IL1RN: variants seen among roughly 807,000 people sequenced by gnomAD.
The protein encoded by IL1RN is interleukin-1 receptor antagonist protein.
A neutral mutation model predicts 13.7 loss-of-function variants in IL1RN; 10 were observed. The observed-to-expected ratio is 0.73, with a 90% confidence interval of 0.45 to 1.24. IL1RN has a LOEUF of 1.24. Among genes scored for constraint, IL1RN ranks in the 50% most tolerant of loss-of-function variants. IL1RN has a pLI of 0.00. For synonymous variants in IL1RN, 102 were observed against 82.7 expected (o/e 1.23, Z -1.27); for missense variants, 213 against 222.1 (o/e 0.96, Z 0.26).
In IL1RN at chr2:113,131,166, A is replaced by G. The variant is rs758726151; in HGVS notation, c.318+9A>G. The G allele has an allele frequency of 3.2e-6, 5 of 1,551,812 alleles. No homozygotes were observed. Among genetic ancestry groups the G allele is most frequent in the Admixed American group, 3.3e-5 (2 of 59,958 alleles). ...CCAGACTCCAGCTGGAGGTAAAAAC[A>G]TGCTTTGGATCTCAAATCACCCCAA... On this transcript the variant is annotated intron_variant, in intron 3 of 3. Transcript: ENST00000409930.
At chr2:113,120,117 C>A in exon 2 of IL1RN, 1 of 1,612,482 alleles carries the variant, frequency 6.2e-7, no homozygotes, top group Non-Finnish European at 8.5e-7. Flanking sequence ...GAAGACAATG[C>A]TGACTCAAAG....
upstream of IL1RN, chr2:113,127,316 T>C (rs118002799): frequency 1.3e-3 from 374 of 290,222 alleles, no homozygotes; most frequent in East Asian, 0.015. Context: ...TCAGGAACAG[T>C]AGGGAGTTTG....
chr2:113,099,417 A>G, the IL1RN span, among the ~76,000 whole-genome samples: 5 of 152,238 alleles, frequency 3.3e-5, no homozygotes, highest in Admixed American at 6.5e-5. Flanking sequence ...TGCCCCACCA[A>G]CAGCAATGAG....
upstream of IL1RN, among the ~76,000 whole-genome samples, chr2:113,114,789 G>T (rs550955658): frequency 8.5e-5 from 13 of 152,188 alleles, no homozygotes; most frequent in Non-Finnish European, 1.9e-4. Context: ...AAATAGACAC[G>T]GTGCTTGCTG....
upstream of IL1RN, among the ~76,000 whole-genome samples, chr2:113,104,050 C>T (rs889093704): frequency 5.3e-5 from 8 of 149,628 alleles, no homozygotes; most frequent in African/African-American, 2.0e-4. Context: ...ATGTAAGTGG[C>T]CAGGGGTTAA....
upstream of IL1RN, among the ~76,000 whole-genome samples, chr2:113,109,235 A>C (rs537945778): frequency 5.9e-5 from 9 of 152,228 alleles, no homozygotes; most frequent in African/African-American, 2.2e-4. Context: ...CAACATGGGG[A>C]AACCCCATCT....
chr2:113,129,895 G>T, intron 2 of IL1RN: 1 of 524,454 alleles, frequency 1.9e-6, no homozygotes, highest in Non-Finnish European at 3.5e-6. Flanking sequence ...GTGCCTATAG[G>T]CACAGTGGTC....
upstream of IL1RN, among the ~76,000 whole-genome samples, chr2:113,115,080 C>A (rs45549940): frequency 6.6e-6 from 1 of 152,146 alleles, no homozygotes. Context: ...TGTCTATGAC[C>A]GTAAACAACT....
intron 1 of IL1RN, among the ~76,000 whole-genome samples, chr2:113,119,138 G>A (rs1207183274): frequency 1.3e-5 from 2 of 152,172 alleles, no homozygotes; most frequent in Non-Finnish European, 2.9e-5. Context: ...CTCCTTTCTG[G>A]GTGTTAAGAG....
upstream of IL1RN, among the ~76,000 whole-genome samples, chr2:113,104,562 G>C (rs750271721): frequency 4.5e-4 from 69 of 152,182 alleles, no homozygotes; most frequent in Non-Finnish European, 7.1e-4. Context: ...TGATGACTTG[G>C]AGTTGGAGTC....
At chr2:113,101,820 T>A in the IL1RN span, among the ~76,000 whole-genome samples, 1 of 152,120 alleles carries the variant, frequency 6.6e-6, no homozygotes. Flanking sequence ...CAGGCTGGAG[T>A]GCAATGGCGT....
intron 2 of IL1RN, among the ~76,000 whole-genome samples, chr2:113,121,050 C>A (rs1334423627): frequency 7.7e-6 from 1 of 129,570 alleles, no homozygotes; most frequent in African/African-American, 2.8e-5. Context: ...TCTTCCTCTT[C>A]TTCTTCTTCC....
At chr2:113,110,570 A>T (rs1164367773), upstream of IL1RN, among the ~76,000 whole-genome samples, 1 of 152,202 alleles carries the variant, frequency 6.6e-6, no homozygotes, top group East Asian at 1.9e-4. Context: ...CTCCCGAGGC[A>T]TTGGAGCAGG....
At chr2:113,122,310 G>A (rs1258250877) in intron 2 of IL1RN, among the ~76,000 whole-genome samples, 1 of 152,152 alleles carries the variant, frequency 6.6e-6, no homozygotes, top group Non-Finnish European at 1.5e-5. Flanking sequence ...TGAAACTTGT[G>A]GGGTGAGCCA....
chr2:113,119,028 C>T (rs1044402574), intron 1 of IL1RN, among the ~76,000 whole-genome samples: 5 of 152,000 alleles, frequency 3.3e-5, no homozygotes, highest in Admixed American at 6.6e-5. Context: ...TAGAGAGAGA[C>T]GCTCTCTCTA....
chr2:113,116,430 G>A (rs1199255026), upstream of IL1RN, among the ~76,000 whole-genome samples: 1 of 152,020 alleles, frequency 6.6e-6, no homozygotes, highest in Non-Finnish European at 1.5e-5. Context: ...GGTGAGCCAA[G>A]GCGGAAGAGA....
intron 1 of IL1RN, among the ~76,000 whole-genome samples, chr2:113,119,625 G>T (rs1277703406): frequency 6.6e-6 from 1 of 152,150 alleles, no homozygotes; most frequent in Non-Finnish European, 1.5e-5. Flanking sequence ...TAGGATGCTG[G>T]AACCACTCTT....
chr2:113,123,133 T>A (rs1048800186), upstream of IL1RN, among the ~76,000 whole-genome samples: 7 of 152,034 alleles, frequency 4.6e-5, no homozygotes, highest in East Asian at 3.8e-4. Flanking sequence ...CTCAAAAAAA[T>A]AAATAAATAA....
the IL1RN span, among the ~76,000 whole-genome samples, chr2:113,100,557 G>A: frequency 5.9e-5 from 9 of 152,194 alleles, no homozygotes; most frequent in African/African-American, 2.2e-4. Flanking sequence ...CAGGCACAGT[G>A]CCATTGCATT....
Sources: gnomAD v4.1 joint callset for allele counts (sites outside exome capture counted in the v4.1 genomes callset) on GRCh38, gnomAD v4.1.1 for gene constraint, MANE v1.5 for transcripts, NCBI Gene and HGNC (gene_info 2026-07-23, HGNC 2026-07-21) for gene names.